PAPPA2: variants seen among roughly 807,000 people sequenced by gnomAD.
PAPPA2 encodes the protein pappalysin 2.
A neutral mutation model predicts 176.4 loss-of-function variants in PAPPA2; 86 were observed. That is an observed-to-expected ratio of 0.49 (90% CI 0.41 to 0.58). The LOEUF (loss-of-function observed/expected upper bound fraction) is 0.58, where lower values mean the gene tolerates loss of function less well. PAPPA2 is among the 20% of genes least tolerant of loss of function. The pLI, the probability that PAPPA2 is intolerant of heterozygous loss-of-function variation, is 0.00. For missense variants in PAPPA2, 2,073 were observed against 2,256.9 expected, an observed-to-expected ratio of 0.92 and a Z score of 1.65; for synonymous variants, 809 against 852.2, an observed-to-expected ratio of 0.95 and a Z score of 0.88.
At chr1:176,756,042 TC>T (rs1452998483) in intron 14 of PAPPA2, among the ~76,000 whole-genome samples, 19 of 152,242 alleles carry the variant, frequency 1.2e-4, no homozygotes, top group Middle Eastern at 6.8e-3. Flanking sequence ...CACTGCAATG[TC>T]CATCTCCCGG....
chr1:176,549,964 G>T (rs947732606), intron 1 of PAPPA2, among the ~76,000 whole-genome samples: 8 of 152,212 alleles, frequency 5.3e-5, no homozygotes, highest in African/African-American at 1.9e-4. Flanking sequence ...GAGAATAGCT[G>T]TGTAAGCCCC....
intron 1 of PAPPA2, among the ~76,000 whole-genome samples, chr1:176,480,593 C>T (rs1652347433): frequency 6.6e-6 from 1 of 152,130 alleles, no homozygotes; most frequent in South Asian, 2.1e-4. Flanking sequence ...ACATCATGAG[C>T]ACCGGGAGCT....
At chr1:176,547,522 A>AC (rs1650705745) in intron 1 of PAPPA2, among the ~76,000 whole-genome samples, 3 of 152,206 alleles carry the variant, frequency 2.0e-5, no homozygotes, top group Admixed American at 2.0e-4. Flanking sequence ...TACTTTGGCC[A>AC]ATAGAAAACA....
chr1:176,494,416 A>G (rs991875583), intron 1 of PAPPA2, among the ~76,000 whole-genome samples: 1 of 152,202 alleles, frequency 6.6e-6, no homozygotes, highest in South Asian at 2.1e-4. Flanking sequence ...TAGTCATTTA[A>G]TTATATGGCC....
intron 3 of PAPPA2, among the ~76,000 whole-genome samples, chr1:176,647,554 T>G (rs371056785): frequency 8.6e-5 from 13 of 151,748 alleles, no homozygotes; most frequent in African/African-American, 3.1e-4. Flanking sequence ...AGGCCTTACA[T>G]TTAAGTCTTT....
chr1:176,524,558 T>C (rs570697205), intron 1 of PAPPA2, among the ~76,000 whole-genome samples: 110 of 152,322 alleles, frequency 7.2e-4, no homozygotes, highest in African/African-American at 2.6e-3. Flanking sequence ...GCTCTGATGA[T>C]TGGGAAAGAC....
At position 176,691,994 on chromosome 1, in the gene PAPPA2, A is replaced by G. The variant is rs192681496; in HGVS notation, c.2432-132A>G. 1.5e-5 allele frequency: 12 copies of G among 824,672 alleles called. No individual in the cohort carries two copies. In the African/African-American group the frequency reaches 2.1e-4, roughly 14 times the overall value. The allele number at this position is 824,672 out of a possible 1,614,324, so 51.1% of individuals were successfully genotyped here. On this transcript the variant is annotated intron_variant, in intron 5 of 22. Coordinates refer to ENST00000367662, the MANE Select transcript of PAPPA2 (RefSeq NM_020318.3). The stretch of plus-strand genomic sequence containing the variant: ...TGGAACAGATTGCATTTGTTCATTC[A>G]TTCAACAAGTAAGTGCTCATTGAGC...
At chr1:176,789,145 T>A (rs1001695175) in intron 17 of PAPPA2, among the ~76,000 whole-genome samples, 1 of 152,186 alleles carries the variant, frequency 6.6e-6, no homozygotes, top group Non-Finnish European at 1.5e-5. Context: ...CTCTTAAGAA[T>A]AACCTAAATG....
intron 1 of PAPPA2, among the ~76,000 whole-genome samples, chr1:176,513,725 C>T (rs923652248): frequency 6.6e-6 from 1 of 151,886 alleles, no homozygotes; most frequent in Non-Finnish European, 1.5e-5. Context: ...ACAATTATTC[C>T]CTGAAAGACT....
At chr1:176,553,655 A>C (rs2102585299) in intron 1 of PAPPA2, 1 of 152,162 alleles carries the variant, frequency 6.6e-6, no homozygotes, top group East Asian at 1.9e-4. Context: ...AGGGGATGCA[A>C]GATCCCTACA....
At chr1:176,554,651 T>TCC (rs1381162951) in intron 1 of PAPPA2, among the ~76,000 whole-genome samples, 2 of 152,198 alleles carry the variant, frequency 1.3e-5, no homozygotes, top group African/African-American at 4.8e-5. Context: ...TTTGAACATC[T>TCC]CATTGTTTAT....
chr1:176,660,336 T>TTGTGTGTG (rs34294866), intron 3 of PAPPA2, among the ~76,000 whole-genome samples: 18 of 121,942 alleles, frequency 1.5e-4, no homozygotes, highest in African/African-American at 4.9e-4. Context: ...AATTGTTTGT[T>TTGTGTGTG]TGTGTGTGTG....
At chr1:176,473,661 T>C (rs1651985364) in intron 1 of PAPPA2, among the ~76,000 whole-genome samples, 1 of 152,178 alleles carries the variant, frequency 6.6e-6, no homozygotes, top group Non-Finnish European at 1.5e-5. Context: ...AGTGAGTGAG[T>C]GCCTCTATTG....
At chr1:176,474,639 A>G (rs925148693) in intron 1 of PAPPA2, among the ~76,000 whole-genome samples, 9 of 152,320 alleles carry the variant, frequency 5.9e-5, no homozygotes, top group African/African-American at 2.2e-4. Flanking sequence ...AAATGAGGAC[A>G]TTTAGTTCCT....
At chr1:176,798,578 T>C (rs1665542537) in intron 20 of PAPPA2, among the ~76,000 whole-genome samples, 1 of 152,228 alleles carries the variant, frequency 6.6e-6, no homozygotes, top group South Asian at 2.1e-4. Context: ...ATAATAAAAT[T>C]TATGACCACT....
rs1021898178 is a variant in PAPPA2 at position 176,782,362 on chromosome 1, T to C, written c.4716-7447T>C. The stretch of plus-strand genomic sequence containing the variant: ...CCAAACTCTTTTCCATGGTGGGAGC[T>C]GATGATAAGCAAGTAAAACCAATAC... On this transcript the variant is annotated intron_variant, in intron 17 of 22. Transcript: ENST00000367662. 3.3e-5 allele frequency among the ~76,000 whole-genome samples: 5 copies of C among 152,104 alleles called. No individual in the cohort carries two copies. The South Asian group carries it at 1.0e-3, about 31-fold the overall frequency.
At chr1:176,566,948 T>C (rs1652019125) in intron 2 of PAPPA2, among the ~76,000 whole-genome samples, 1 of 152,182 alleles carries the variant, frequency 6.6e-6, no homozygotes, top group South Asian at 2.1e-4. Flanking sequence ...TTAGCTTCAG[T>C]TCCTGATGTC....
chr1:176,794,220 C>T (rs1203727895), intron 20 of PAPPA2, among the ~76,000 whole-genome samples: 1 of 152,140 alleles, frequency 6.6e-6, no homozygotes, highest in African/African-American at 2.4e-5. Context: ...AAAAACATAT[C>T]GAAGTAGCAA....
At chr1:176,841,672 C>T (rs993049140) in intron 22 of PAPPA2, among the ~76,000 whole-genome samples, 4 of 151,934 alleles carry the variant, frequency 2.6e-5, no homozygotes, top group Admixed American at 1.3e-4. Context: ...TAACTTTTTC[C>T]GGACTATCTC....
Sources: gnomAD v4.1 joint callset for allele counts (sites outside exome capture counted in the v4.1 genomes callset) on GRCh38, gnomAD v4.1.1 for gene constraint, MANE v1.5 for transcripts, NCBI Gene and HGNC (gene_info 2026-07-23, HGNC 2026-07-21) for gene names.